Variants in LARGE1 observed in about 807,000 individuals in gnomAD.
LARGE1 encodes LARGE xylosyl- and glucuronyltransferase 1, also known as xylosyl- and glucuronyltransferase LARGE1.
In LARGE1, 43 loss-of-function variants were observed where a neutral mutation model predicts 87.6. The observed-to-expected ratio is 0.49, with a 90% CI of 0.38 to 0.63. LARGE1 has a LOEUF of 0.63. LARGE1 is among the 30% of genes least tolerant of loss of function. LARGE1 has a pLI of 0.00. For missense variants in LARGE1, 802 were observed against 1,000.2 expected (o/e 0.80, Z 2.67); for synonymous variants, 434 against 394.6 (o/e 1.10, Z -1.18).
intron 6 of LARGE1, among the ~76,000 whole-genome samples, chr22:33,537,363 C>T (rs913531564): frequency 2.6e-5 from 4 of 152,184 alleles, no homozygotes; most frequent in South Asian, 2.1e-4. Flanking sequence ...TGGCCCTTAA[C>T]TCCATCTTCC....
chr22:33,557,077 G>T (rs2077713117), intron 6 of LARGE1, among the ~76,000 whole-genome samples: 2 of 152,178 alleles, frequency 1.3e-5, no homozygotes, highest in African/African-American at 4.8e-5. Context: ...GTGCAATACA[G>T]AGCCATTACC....
At chr22:33,122,954 A>G in the LARGE1 span, among the ~76,000 whole-genome samples, 1 of 152,138 alleles carries the variant, frequency 6.6e-6, no homozygotes, top group African/African-American at 2.4e-5. Context: ...CTTGGGCAGC[A>G]GGGGGCATAG....
At chr22:33,497,881 ATTTG>A (rs997859987) in intron 6 of LARGE1, among the ~76,000 whole-genome samples, 6 of 151,992 alleles carry the variant, frequency 3.9e-5, no homozygotes, top group South Asian at 2.1e-4. Flanking sequence ...TCATTTATTT[ATTTG>A]TTTGTTTGTT....
intron 6 of LARGE1, among the ~76,000 whole-genome samples, chr22:33,532,210 G>T (rs2072240042): frequency 6.6e-6 from 1 of 152,220 alleles, no homozygotes; most frequent in African/African-American, 2.4e-5. Flanking sequence ...CTTGTACAAA[G>T]AAATCTTGGG....
At chr22:33,482,991 C>T (rs146428842) in intron 6 of LARGE1, among the ~76,000 whole-genome samples, 5 of 152,292 alleles carry the variant, frequency 3.3e-5, no homozygotes, top group Admixed American at 6.5e-5. Context: ...ACAGGACTTA[C>T]GTGGCCTGGA....
At chr22:33,257,719 A>C (rs554657510) in intron 11 of LARGE1, among the ~76,000 whole-genome samples, 1 of 152,328 alleles carries the variant, frequency 6.6e-6, no homozygotes. Context: ...TAAGTTGCTC[A>C]AGAATGAGCA....
intron 10 of LARGE1, among the ~76,000 whole-genome samples, chr22:33,321,344 G>C (rs1193987284): frequency 6.6e-6 from 1 of 152,228 alleles, no homozygotes; most frequent in Non-Finnish European, 1.5e-5. Flanking sequence ...GGATGAGCCA[G>C]GGTGGCCCTT....
chr22:33,613,923 C>T (rs184893631), intron 4 of LARGE1, among the ~76,000 whole-genome samples: 35 of 152,278 alleles, frequency 2.3e-4, no homozygotes, highest in African/African-American at 4.3e-4. Flanking sequence ...TTCCTGCCTG[C>T]GTTAAAGGTG....
At position 33,341,760 on chromosome 22, in the gene LARGE1, T is replaced by C. The variant is rs190039999; in HGVS notation, c.1132-3959A>G. On this transcript the variant is annotated intron_variant, in intron 9 of 14. Transcript: ENST00000397394. ...GCTGTGTGTGTCCTTGAACAACTCGTTTCTCTTCTTGGAACCTGTTTCCTC... is the reference window on the plus strand; with the variant it reads ...GCTGTGTGTGTCCTTGAACAACTCGCTTCTCTTCTTGGAACCTGTTTCCTC... 1.5e-4 allele frequency among the ~76,000 whole-genome samples: 23 copies of C among 152,302 alleles called. No homozygotes were observed. In the East Asian group the frequency reaches 3.9e-3, roughly 26 times the overall value.
chr22:33,792,832 C>A (rs1031595552), intron 1 of LARGE1, among the ~76,000 whole-genome samples: 1 of 152,200 alleles, frequency 6.6e-6, no homozygotes, highest in Non-Finnish European at 1.5e-5. Context: ...CAGGAGAAAA[C>A]AGACCCCTTT....
At chr22:33,861,401 A>AACAC (rs139884348) in intron 1 of LARGE1, among the ~76,000 whole-genome samples, 10 of 148,956 alleles carry the variant, frequency 6.7e-5, no homozygotes, top group South Asian at 2.1e-4. Flanking sequence ...CACACACACA[A>AACAC]ACACACACAC....
At chr22:33,786,725 C>T (rs954271343) in intron 1 of LARGE1, among the ~76,000 whole-genome samples, 1 of 152,156 alleles carries the variant, frequency 6.6e-6, no homozygotes. Context: ...ACCATTACAG[C>T]TTAACAGTAA....
rs573825057 is a variant in LARGE1, at chr22:33,597,160, T to G, written c.615+7275A>C. Among the ~76,000 whole-genome samples, 3 of 150,754 alleles carry G rather than the reference T, an allele frequency of 2.0e-5. No individual in the cohort carries two copies. In the Admixed American group the frequency reaches 2.0e-4, roughly 10 times the overall value. On this transcript the variant is annotated intron_variant, in intron 5 of 14. Coordinates refer to ENST00000397394, the MANE Select transcript of LARGE1 (RefSeq NM_133642.5). Reference sequence around the variant, plus strand: ...GTTAAGTGTGGTCCCCACTGAACTATAAACCAGGCCCAGCAGCCAGAAAAC... The same window carrying G: ...GTTAAGTGTGGTCCCCACTGAACTAGAAACCAGGCCCAGCAGCCAGAAAAC...
At chr22:33,372,767 C>T (rs935189519) in intron 9 of LARGE1, among the ~76,000 whole-genome samples, 3 of 152,018 alleles carry the variant, frequency 2.0e-5, no homozygotes, top group African/African-American at 7.2e-5. Context: ...AATGAAATTA[C>T]AAGGCATAAA....
At chr22:33,120,358 T>TTTTCTTTCTTTTTCTTTCTCTTTC in the LARGE1 span, among the ~76,000 whole-genome samples, 1 of 118,686 alleles carries the variant, frequency 8.4e-6, no homozygotes, top group African/African-American at 3.4e-5. Context: ...TTTTCTTTCT[T>TTTTCTTTCTTTTTCTTTCTCTTTC]TTTCTTTCTT....
chr22:33,566,592 T>C (rs1427255391), intron 5 of LARGE1, among the ~76,000 whole-genome samples: 1 of 152,208 alleles, frequency 6.6e-6, no homozygotes, highest in African/African-American at 2.4e-5. Flanking sequence ...CAAGATTTAC[T>C]GTGAAGAGCG....
intron 11 of LARGE1, among the ~76,000 whole-genome samples, chr22:33,252,760 G>T (rs1927069747): frequency 6.6e-6 from 1 of 152,104 alleles, no homozygotes; most frequent in Non-Finnish European, 1.5e-5. Flanking sequence ...ATTCTTTGTT[G>T]GTTTTTCTTT....
At chr22:33,817,171 C>G (rs917648667) in intron 1 of LARGE1, among the ~76,000 whole-genome samples, 2 of 152,106 alleles carry the variant, frequency 1.3e-5, no homozygotes, top group African/African-American at 4.8e-5. Flanking sequence ...TTCGCCTCTG[C>G]CAGGCACACA....
At chr22:33,894,747 A>G (rs2065088895) in intron 1 of LARGE1, among the ~76,000 whole-genome samples, 1 of 152,048 alleles carries the variant, frequency 6.6e-6, no homozygotes, top group African/African-American at 2.4e-5. Context: ...AATGAACCTC[A>G]TTTGGTCTCA....
Sources: gnomAD v4.1 joint callset for allele counts (sites outside exome capture counted in the v4.1 genomes callset) on GRCh38, gnomAD v4.1.1 for gene constraint, MANE v1.5 for transcripts, NCBI Gene and HGNC (gene_info 2026-07-23, HGNC 2026-07-21) for gene names.